The following RSPH14 variants were observed in gnomAD, a reference collection of about 807,000 sequenced individuals.
The protein encoded by RSPH14 is rhabdoid tumor deletion region gene 1.
Under a neutral mutation model 26.7 loss-of-function variants are expected in RSPH14, and 20 were observed. The ratio of observed to expected loss-of-function variants is 0.75; its 90% CI spans 0.53 to 1.09. The LOEUF (loss-of-function observed/expected upper bound fraction) is 1.09. RSPH14 is among the 50% of genes least tolerant of loss of function. The probability of loss-of-function intolerance (pLI) is 0.00; values close to 1 mark genes in which losing one functional copy is unlikely to be tolerated. For missense variants in RSPH14, 449 were observed against 457.2 expected, an observed-to-expected ratio of 0.98 and a Z score of 0.16; for synonymous variants, 177 against 189.3, an observed-to-expected ratio of 0.93 and a Z score of 0.53.
chr22:23,097,604 G>A (rs190850678), intron 4 of RSPH14, among the ~76,000 whole-genome samples: 25 of 152,380 alleles, frequency 1.6e-4, no homozygotes, highest in Admixed American at 1.4e-3. Context: ...AGGCGGCTGC[G>A]TCCACCCTGT....
intron 4 of RSPH14, among the ~76,000 whole-genome samples, chr22:23,066,918 C>T (rs2068225446): frequency 6.6e-6 from 1 of 152,146 alleles, no homozygotes; most frequent in South Asian, 2.1e-4. Context: ...GAATAGTCAG[C>T]TGGGGACAGG....
intron 4 of RSPH14, among the ~76,000 whole-genome samples, 171 bp from the exon 5 acceptor site, chr22:23,064,304 G>A (rs1311363367): frequency 2.6e-4 from 40 of 152,206 alleles, no homozygotes; most frequent in Admixed American, 2.5e-3. Context: ...GGGCCTGAGC[G>A]ACCAGCAGGC....
intron 4 of RSPH14, among the ~76,000 whole-genome samples, chr22:23,106,656 G>A (rs1015864106): frequency 6.6e-6 from 1 of 152,234 alleles, no homozygotes; most frequent in Non-Finnish European, 1.5e-5. Context: ...TGTGCTGGCT[G>A]ACAACAGAAT....
the RSPH14 span, chr22:23,152,666 C>A: frequency 1.2e-6 from 1 of 824,044 alleles, no homozygotes; most frequent in South Asian, 1.6e-5. Flanking sequence ...TGCTGGGAGC[C>A]GGATAAGAGG....
At chr22:23,180,331 G>C in the RSPH14 span, 1 of 169,134 alleles carries the variant, frequency 5.9e-6, no homozygotes, top group Non-Finnish European at 1.3e-5. Flanking sequence ...ATTCGCTGTT[G>C]TTAGGGCCTC....
chr22:23,067,768 T>C lies in RSPH14; in HGVS notation c.422-3635A>G, dbSNP rs571741999. ...GTCCCCACCCTCTCCCCTTCTCTCA[T>C]CTCCCTGGGTCCTGATAATGCCCCG... On this transcript the variant is annotated intron_variant, in intron 4 of 6. Coordinates refer to ENST00000216036, the MANE Select transcript of RSPH14 (RefSeq NM_014433.3). Among the ~76,000 whole-genome samples, 10 of 152,064 alleles carry C rather than the reference T, an allele frequency of 6.6e-5. No individual in the cohort carries two copies. The East Asian group carries it at 1.7e-3, about 27-fold the overall frequency.
intron 4 of RSPH14, among the ~76,000 whole-genome samples, chr22:23,112,152 G>C (rs745941793): frequency 7.9e-5 from 12 of 152,176 alleles, no homozygotes; most frequent in Non-Finnish European, 1.3e-4. Flanking sequence ...AAGGAGGGCT[G>C]CCTGACCTCC....
In RSPH14 at chr22:23,071,927, C is replaced by T. The variant is rs868337844; in HGVS notation, c.422-7794G>A. Among the ~76,000 whole-genome samples the T allele has an allele frequency of 1.8e-4, 28 of 152,214 alleles. No individual in the cohort carries two copies. The highest frequency in any genetic ancestry group is 3.4e-3 in the Middle Eastern group (1 of 294). ...TAGGAGGAGGTATGGCGGGAAAGGC[C>T]GGTGGGGGCTGCACGGGGCTGAGGG... is the stretch of plus-strand genomic sequence containing the variant. On this transcript the variant is annotated intron_variant, in intron 4 of 6. Coordinates refer to ENST00000216036, the MANE Select transcript of RSPH14 (RefSeq NM_014433.3). This position sits in a 1 kb window ranked among gnomAD's most constrained non-coding sequence, Gnocchi z 4.1.
At chr22:23,091,754 C>T (rs528141721) in intron 4 of RSPH14, among the ~76,000 whole-genome samples, 4 of 152,384 alleles carry the variant, frequency 2.6e-5, no homozygotes, top group Admixed American at 6.5e-5. Flanking sequence ...TGCAGGTACA[C>T]ACATGGCTTA....
At chr22:23,132,952 T>C (rs2146436362) in intron 4 of RSPH14, 1 of 152,222 alleles carries the variant, frequency 6.6e-6, no homozygotes, top group African/African-American at 2.4e-5. Context: ...AGCCTAGAAC[T>C]CCTAGGCTCA....
At position 23,071,280 on chromosome 22, in the gene RSPH14, G is replaced by C. The variant is rs117359599; in HGVS notation, c.422-7147C>G. On this transcript the variant is annotated intron_variant, in intron 4 of 6. Transcript: ENST00000216036. This position sits in a 1 kb window ranked among gnomAD's most constrained non-coding sequence, Gnocchi z 4.1. ...CGTATCCTGCGGGCGATCCGAGGGG[G>C]CTCTGCCTTTAGGGCGGTGCTGAGC... Among the ~76,000 whole-genome samples the C allele has an allele frequency of 0.021, 3,140 of 152,328 alleles. 53 individuals are homozygous for C. Among genetic ancestry groups the C allele is most frequent in the Non-Finnish European group, 0.029 (1,975 of 68,018 alleles).
chr22:23,070,380 C>CGGGCGGA (rs1270343429), intron 4 of RSPH14: 1 of 145,518 alleles, frequency 6.9e-6, no homozygotes, highest in Non-Finnish European at 1.5e-5. Context: ...CGGCGGGCGG[C>CGGGCGGA]GCGGGAGGGC....
chr22:23,145,754 G>A (rs1022913881), upstream of RSPH14, among the ~76,000 whole-genome samples: 3 of 152,276 alleles, frequency 2.0e-5, no homozygotes, highest in African/African-American at 7.2e-5. Flanking sequence ...AGGAGAGCCA[G>A]GTCAGATGCG....
At chr22:23,063,338 G>C (rs2068131186) in intron 5 of RSPH14, among the ~76,000 whole-genome samples, 1 of 152,188 alleles carries the variant, frequency 6.6e-6, no homozygotes, top group African/African-American at 2.4e-5. Context: ...CAGAGACTCT[G>C]GGGTTCGGTG....
chr22:23,149,645 C>T (rs1432830458), upstream of RSPH14, among the ~76,000 whole-genome samples: 1 of 152,210 alleles, frequency 6.6e-6, no homozygotes, highest in Non-Finnish European at 1.5e-5. Context: ...TGAAGCAATC[C>T]TTCCACCTCA....
At chr22:23,174,953 G>A in the RSPH14 span, among the ~76,000 whole-genome samples, 4 of 149,720 alleles carry the variant, frequency 2.7e-5, no homozygotes, top group African/African-American at 9.8e-5. Flanking sequence ...GGCAACAAGA[G>A]CAAAACTCCG....
intron 4 of RSPH14, among the ~76,000 whole-genome samples, chr22:23,066,758 G>T (rs542636161): frequency 1.4e-4 from 22 of 152,144 alleles, no homozygotes; most frequent in South Asian, 2.1e-4. Context: ...CGCTGGGGGT[G>T]GGGGGTGGTT....
At chr22:23,129,786 G>A (rs1159471938) in intron 4 of RSPH14, among the ~76,000 whole-genome samples, 4 of 152,078 alleles carry the variant, frequency 2.6e-5, no homozygotes, top group East Asian at 1.9e-4. Context: ...TGGGCATGGT[G>A]GCACACGCCT....
At chr22:23,150,236 A>G in the RSPH14 span, 2 of 1,107,816 alleles carry the variant, frequency 1.8e-6, no homozygotes, top group Non-Finnish European at 2.7e-6. Context: ...TGAACAAATG[A>G]AACACACACA....
Sources: gnomAD v4.1 joint callset for allele counts (sites outside exome capture counted in the v4.1 genomes callset) on GRCh38, gnomAD v4.1.1 for gene constraint, Gnocchi (gnomAD v3.1) non-coding constraint, MANE v1.5 for transcripts, NCBI Gene and HGNC (gene_info 2026-07-23, HGNC 2026-07-21) for gene names.